Variants in FUS observed in about 807,000 individuals in gnomAD.
FUS encodes RNA-binding protein FUS.
FUS carries 5 observed loss-of-function variants against 82.7 expected under a neutral mutation model. The ratio of observed to expected loss-of-function variants is 0.06; its 90% CI spans 0.03 to 0.13. The LOEUF is 0.13. Ranked by LOEUF, FUS falls within the 10% of genes least tolerant of loss-of-function variation. The probability of loss-of-function intolerance (pLI) is 1.00; values close to 1 mark genes in which losing one functional copy is unlikely to be tolerated. For missense variants in FUS, 512 were observed against 707.8 expected (o/e 0.72, Z 3.14); for synonymous variants, 281 against 247.4 (o/e 1.14, Z -1.27).
Position 31,180,167 on chromosome 16 carries a change from C to T in FUS, c.-48C>T, listed in dbSNP as rs199671743. 2.1e-4 allele frequency: 343 copies of T among 1,603,526 alleles called. No individual in the cohort carries two copies. In the African/African-American group the frequency reaches 2.4e-3, roughly 11 times the overall value. ...CAGTCCTCCAGGCGTCGGTACTCAG[C>T]GGTGTTGGAACTTCGTTGCTTGCTT... On this transcript the variant is annotated 5_prime_UTR_variant, in exon 1 of 15. Transcript: ENST00000254108.
At chr16:31,191,299 C>T (rs1173531868) in intron 14 of FUS, 100 bp from the exon 15 acceptor site, 17 of 1,523,934 alleles carry the variant, frequency 1.1e-5, no homozygotes, top group Non-Finnish European at 1.5e-5. Context: ...AGATAAGATA[C>T]TCGCTGGGTT....
At chr16:31,188,589 A>G (rs371676443) in intron 8 of FUS, 21 of 596,378 alleles carry the variant, frequency 3.5e-5, no homozygotes, top group African/African-American at 3.2e-4. Flanking sequence ...GACCCTGAAA[A>G]TCTACCTTTC....
At chr16:31,188,133 G>A in intron 7 of FUS, 192 bp from the exon 8 acceptor site, 1 of 622,192 alleles carries the variant, frequency 1.6e-6, no homozygotes, top group Non-Finnish European at 2.8e-6. Context: ...TAAGGGGCCT[G>A]CCTAGAATTT....
downstream of FUS, chr16:31,192,718 G>C: frequency 2.1e-6 from 1 of 481,618 alleles, no homozygotes; most frequent in Non-Finnish European, 4.1e-6. Flanking sequence ...CTACAGGCGT[G>C]GGCCACCATG....
intron 3 of FUS, chr16:31,183,650 G>C (rs889440249): frequency 3.3e-6 from 2 of 604,936 alleles, no homozygotes; most frequent in African/African-American, 3.7e-5. Flanking sequence ...GGGTGAAATT[G>C]GAACTGTACT....
intron 5 of FUS, 35 bp from the exon 6 acceptor site, chr16:31,184,904 T>G (rs766187741): frequency 4.0e-4 from 456 of 1,127,502 alleles, no homozygotes; most frequent in South Asian, 1.8e-3. Context: ...AATCTTTTTG[T>G]TTTTTTTTTT....
At position 31,182,432 on chromosome 16, in the gene FUS, A is replaced by G. The variant is rs2079193198; in HGVS notation, c.38+10A>G. Reference sequence around the variant, plus strand: ...AACAAGCAACCCAAAGGTGAGTGCTATTTTTGGGCTTCCAGAGTTTGTAGA... The same window carrying G: ...AACAAGCAACCCAAAGGTGAGTGCTGTTTTTGGGCTTCCAGAGTTTGTAGA... On this transcript the variant is annotated intron_variant, in intron 2 of 14. Transcript: ENST00000254108. 5 of 1,614,200 alleles carry G rather than the reference A, an allele frequency of 3.1e-6. No homozygotes were observed. The highest frequency in any genetic ancestry group is 1.7e-4 in the Middle Eastern group (1 of 6,060).
At chr16:31,185,448 G>A (rs777950778) in intron 6 of FUS, 7 of 662,494 alleles carry the variant, frequency 1.1e-5, no homozygotes, top group Admixed American at 4.2e-5. Context: ...ACATAGATAC[G>A]TATGGATTGG....
chr16:31,184,830 T>G, intron 5 of FUS, 109 bp from the exon 6 acceptor site: 2 of 537,124 alleles, frequency 3.7e-6, no homozygotes, highest in South Asian at 5.6e-5. Context: ...GTCTTTTTAC[T>G]TTCTTTTGTC....
intron 6 of FUS, chr16:31,186,245 G>A (rs2079267953): frequency 7.8e-6 from 2 of 256,498 alleles, no homozygotes; most frequent in African/African-American, 2.2e-5. Context: ...GTGACCCCGG[G>A]GGTTGGGGGA....
rs1045071024 is a variant in FUS at position 31,188,306 on chromosome 16, T to G, written c.800-19T>G. On this transcript the variant is annotated intron_variant, in intron 7 of 14. Transcript: ENST00000254108. ...TTGTTTTTGTTTTTTTTTTGTTCTT[T>G]TTTTCCATGTCACTAAAGGCCCTCG... The G allele has an allele frequency of 6.2e-7, 1 of 1,612,460 alleles. No individual in the cohort carries two copies. Among genetic ancestry groups the G allele is most frequent in the Non-Finnish European group, 8.5e-7 (1 of 1,179,780 alleles).
At chr16:31,182,945 A>G (rs1278115788) in intron 3 of FUS, 8 of 429,742 alleles carry the variant, frequency 1.9e-5, no homozygotes, top group African/African-American at 1.6e-4. Flanking sequence ...GGAACTCCTG[A>G]CCTCCTGCCT....
intron 6 of FUS, 28 bp downstream of exon 6, chr16:31,185,207 C>T: frequency 6.3e-7 from 1 of 1,589,930 alleles, no homozygotes; most frequent in African/African-American, 1.3e-5. Flanking sequence ...CAGGGAGTAT[C>T]TTTGGTGGGG....
rs149076460 is a variant in FUS, at chr16:31,185,179, G to A, written c.764G>A (p.Gly255Asp). 1 of 1,606,924 alleles carries A rather than the reference G, an allele frequency of 6.2e-7. No individual in the cohort carries two copies. Among genetic ancestry groups the A allele is most frequent in the African/African-American group, 1.3e-5 (1 of 74,854 alleles). ...GGGRGGRGGMGGSDRGGFNKF... is the reference protein window; with the variant it reads ...GGGRGGRGGMDGSDRGGFNKF... ...GGCCGTGGAGGCAGAGGTGGCATGG[G>A]GTAGGTGTCTCATGAGCCAGGGAGT... The change falls in exon 6 of 15, where the codon GGC becomes GAC. Residue 255 changes from glycine (G) to aspartate (D), a missense_variant and splice_region_variant. Physicochemically the swap from Gly to Asp is moderately conservative, Grantham distance 94. Around this residue, in one of 6 missense-constraint regions of FUS, gnomAD observed 51 missense variants for 72.2 expected, o/e 0.71. Coordinates refer to ENST00000254108, the MANE Select transcript of FUS (RefSeq NM_004960.4).
chr16:31,192,741 T>C (rs1266464927), downstream of FUS: 4 of 479,198 alleles, frequency 8.3e-6, no homozygotes, highest in East Asian at 1.0e-4. Flanking sequence ...CACCTAGTTT[T>C]TGCATTTTTA....
intron 6 of FUS, chr16:31,186,002 G>A (rs1390458601): frequency 4.2e-6 from 1 of 236,804 alleles, no homozygotes; most frequent in African/African-American, 2.2e-5. Flanking sequence ...GGAAAAAGTA[G>A]ATTTTTAAAC....
chr16:31,187,700 T>A (rs2079290645), intron 7 of FUS: 1 of 234,232 alleles, frequency 4.3e-6, no homozygotes, highest in African/African-American at 2.2e-5. Flanking sequence ...TGGTCAAAGA[T>A]GGTCTCTGGA....
Position 31,191,060 on chromosome 16 carries a change from C to T in FUS, c.1491C>T (p.Gly497=), listed in dbSNP as rs978310880. The change falls in exon 14 of 15, where the codon GGC becomes GGT. Residue 497 remains glycine, a synonymous_variant. Coordinates refer to ENST00000254108, the MANE Select transcript of FUS (RefSeq NM_004960.4). The stretch of plus-strand genomic sequence containing the variant: ...GGGACCGTGGAGGCTTCCGAGGGGG[C>T]CGGGGTGGTGGGGACAGAGGTGGCT... ...RGGDRGGFRG[G]RGGGDRGGFG... is the part of the protein sequence containing the mutation. 1.9e-6 allele frequency: 3 copies of T among 1,613,044 alleles called. No individual in the cohort carries two copies. Among genetic ancestry groups the T allele is most frequent in the African/African-American group, 2.7e-5 (2 of 74,816 alleles).
At chr16:31,192,051 C>CT (rs1216489571), downstream of FUS, 1 of 532,876 alleles carries the variant, frequency 1.9e-6, no homozygotes, top group Non-Finnish European at 3.6e-6. Context: ...AGGAGAGTAA[C>CT]TGAGTGCTGC....
Sources: allele counts gnomAD v4.1 joint callset, GRCh38; gene constraint gnomAD v4.1.1; regional missense constraint gnomAD v4.1.1; transcripts MANE v1.5; gene names NCBI Gene and HGNC (gene_info 2026-07-23, HGNC 2026-07-21).